CEBPZ: variants seen among roughly 807,000 people sequenced by gnomAD.
CEBPZ encodes CCAAT/enhancer-binding protein zeta.
A neutral mutation model predicts 104.5 loss-of-function variants in CEBPZ; 78 were observed. That is an observed-to-expected ratio of 0.75 (90% confidence interval 0.62 to 0.90). The LOEUF is 0.90. Ranked by LOEUF, CEBPZ falls within the 40% of genes least tolerant of loss-of-function variation. The pLI, the probability that CEBPZ is intolerant of heterozygous loss-of-function variation, is 0.00. For synonymous variants in CEBPZ, 470 were observed against 427.0 expected, an observed-to-expected ratio of 1.10 and a Z score of -1.24; for missense variants, 1,439 against 1,233.5, an observed-to-expected ratio of 1.17 and a Z score of -2.50.
At position 37,216,160 on chromosome 2, in the gene CEBPZ, T is replaced by C; in HGVS notation, c.2360A>G (p.Lys787Arg). 1.2e-6 allele frequency: 2 copies of C among 1,612,506 alleles called. No homozygotes were observed. The highest frequency in any genetic ancestry group is 1.7e-6 in the Non-Finnish European group (2 of 1,179,230). The change falls in exon 8 of 16, where the codon AAG (lysine) becomes AGG (arginine). Residue 787 changes from lysine to arginine, a missense_variant. Coordinates refer to ENST00000234170, the MANE Select transcript of CEBPZ (RefSeq NM_005760.3). ...CTTACCAGGAAGATGACGAATATCC[T>C]TAATAAAATGTTTTCTTTTCGGCTG... is the stretch of plus-strand genomic sequence containing the variant. Reference protein sequence around the residue: ...VMQPKRKHFIKDIRHLPVNSK... With the variant: ...VMQPKRKHFIRDIRHLPVNSK...
At chr2:37,226,685 G>T (rs969037467) in intron 2 of CEBPZ, among the ~76,000 whole-genome samples, 1 of 152,096 alleles carries the variant, frequency 6.6e-6, no homozygotes, top group African/African-American at 2.4e-5. Flanking sequence ...AGGCGGCGTG[G>T]CTTAAGTCTA....
chr2:37,218,382 G>C (rs924633112), intron 5 of CEBPZ, among the ~76,000 whole-genome samples: 3 of 152,334 alleles, frequency 2.0e-5, no homozygotes, highest in East Asian at 3.9e-4. Context: ...CTTAACAGAA[G>C]AGAGTGGATT....
chr2:37,211,816 TTA>T, intron 12 of CEBPZ, 25 bp downstream of exon 12: 1 of 1,505,280 alleles, frequency 6.6e-7, no homozygotes, highest in East Asian at 2.3e-5. Context: ...AAGACACAGT[TTA>T]TGTCTTATTT....
chr2:37,215,040 G>C (rs577211983), intron 8 of CEBPZ, 88 bp from the exon 9 acceptor site: 1 of 826,888 alleles, frequency 1.2e-6, no homozygotes, highest in South Asian at 1.5e-5. Flanking sequence ...AGCATAATCT[G>C]TAATTCTAAA....
In CEBPZ at chr2:37,211,921, C is replaced by A. The variant is rs372501847; in HGVS notation, c.2722G>T (p.Asp908Tyr). The A allele has an allele frequency of 6.2e-7, 1 of 1,613,560 alleles. No individual in the cohort carries two copies. The highest frequency in any genetic ancestry group is 8.5e-7 in the Non-Finnish European group (1 of 1,179,818). The change falls in exon 12 of 16, where the codon GAT becomes TAT. Residue 908 changes from aspartate to tyrosine, a missense_variant. Transcript: ENST00000234170. ...DDEVSLGSMD[D>Y]EEFAEVDEDG... ...TCATCAACTTCAGCAAATTCTTCAT[C>A]ATCCATACTTCCTAAAGAAACTTCA...
chr2:37,216,026 A>T, intron 8 of CEBPZ, 114 bp downstream of exon 8: 1 of 715,766 alleles, frequency 1.4e-6, no homozygotes, highest in Non-Finnish European at 2.2e-6. Flanking sequence ...AAGATGGATA[A>T]TGTCTTTGAT....
Position 37,227,832 on chromosome 2 carries a change from T to C in CEBPZ, c.1361A>G (p.Glu454Gly), listed in dbSNP as rs752579887. Residue 454 changes from glutamate to glycine, a missense_variant, in exon 2 of 16, where the codon GAA (glutamate) becomes GGA (glycine). Glu to Gly is a moderately conservative substitution (Grantham distance 98, BLOSUM62 -2). Coordinates refer to ENST00000234170, the MANE Select transcript of CEBPZ (RefSeq NM_005760.3). ...TATTAATTTGTTAGCCAATTCACTTTCTTCATGGGACAGAGCCATTTGATT... is the reference window on the plus strand; with the variant it reads ...TATTAATTTGTTAGCCAATTCACTTCCTTCATGGGACAGAGCCATTTGATT... ...FLNQMALSHE[E>G]SELANKLITV... The C allele has an allele frequency of 2.5e-6, 4 of 1,614,146 alleles. No homozygotes were observed.
At chr2:37,211,159 A>C (rs1026115432) in intron 12 of CEBPZ, 77 bp from the exon 13 acceptor site, 2 of 969,688 alleles carry the variant, frequency 2.1e-6, no homozygotes, top group African/African-American at 3.3e-5. Context: ...GATATGCTAA[A>C]ATCTTTATTC....
chr2:37,206,075 G>A (rs576016090), intron 13 of CEBPZ, among the ~76,000 whole-genome samples: 7 of 152,326 alleles, frequency 4.6e-5, no homozygotes, highest in Non-Finnish European at 8.8e-5. Flanking sequence ...GCATTCAAAT[G>A]TGAGTGGGCA....
chr2:37,214,978 A>T (rs771620336), intron 8 of CEBPZ, 26 bp from the exon 9 acceptor site: 1 of 1,414,030 alleles, frequency 7.1e-7, no homozygotes, highest in Non-Finnish European at 1.0e-6. Context: ...TAAACATTTT[A>T]ACTTCATATA....
chr2:37,217,273 T>A (rs1016126256), intron 5 of CEBPZ, among the ~76,000 whole-genome samples: 10 of 151,952 alleles, frequency 6.6e-5, no homozygotes, highest in Admixed American at 6.6e-4. Context: ...GGTGCGCGCG[T>A]GCCTGTACTC....
intron 9 of CEBPZ, 41 bp from the exon 10 acceptor site, chr2:37,214,002 G>T (rs982360579): frequency 8.8e-7 from 1 of 1,141,790 alleles, no homozygotes; most frequent in Non-Finnish European, 1.2e-6. Flanking sequence ...TTTATTAAAG[G>T]TCTAATCTTA....
At chr2:37,218,475 T>G (rs1160007218) in intron 5 of CEBPZ, among the ~76,000 whole-genome samples, 2 of 152,188 alleles carry the variant, frequency 1.3e-5, no homozygotes, top group African/African-American at 2.4e-5. Context: ...AGCTGTGAAT[T>G]TTCTTCTTTA....
At chr2:37,211,734 G>T in intron 12 of CEBPZ, 109 bp downstream of exon 12, 2 of 744,738 alleles carry the variant, frequency 2.7e-6, no homozygotes, top group African/African-American at 1.8e-5. Context: ...GCTGACATGA[G>T]TATTAATTTG....
At chr2:37,227,448 T>A (rs1159201545) in intron 2 of CEBPZ, 96 bp downstream of exon 2, 2 of 1,354,936 alleles carry the variant, frequency 1.5e-6, no homozygotes, top group African/African-American at 2.9e-5. Context: ...AAACCAAATT[T>A]TCTAACTCTT....
chr2:37,225,864 ATG>A (rs1236374358), intron 2 of CEBPZ, among the ~76,000 whole-genome samples: 2 of 96,188 alleles, frequency 2.1e-5, no homozygotes, highest in Admixed American at 1.2e-4. Context: ...ACCCGATTGT[ATG>A]CTCCATCTAC....
At chr2:37,215,306 A>C (rs529355068) in intron 8 of CEBPZ, 1 of 162,944 alleles carries the variant, frequency 6.1e-6, no homozygotes, top group Non-Finnish European at 1.3e-5. Context: ...ATCACTTTAA[A>C]CTTGTCATTT....
intron 14 of CEBPZ, 39 bp from the exon 15 acceptor site, chr2:37,202,904 A>C (rs758213490): frequency 1.3e-6 from 2 of 1,593,272 alleles, no homozygotes; most frequent in Non-Finnish European, 1.7e-6. Flanking sequence ...GAAAACTAAA[A>C]ATAATGTAGA....
intron 13 of CEBPZ, 148 bp from the exon 14 acceptor site, chr2:37,203,156 A>C (rs1677363450): frequency 1.9e-6 from 1 of 527,428 alleles, no homozygotes; most frequent in Non-Finnish European, 3.3e-6. Flanking sequence ...TGGCATTTAA[A>C]TATAATTTAA....
Sources: allele counts gnomAD v4.1 joint callset (sites outside exome capture counted in the v4.1 genomes callset), GRCh38; gene constraint gnomAD v4.1.1; transcripts MANE v1.5; gene names NCBI Gene and HGNC (gene_info 2026-07-23, HGNC 2026-07-21).